NCALD: variants seen among roughly 807,000 people sequenced by gnomAD.
NCALD encodes the protein neurocalcin delta, also known as neurocalcin-delta.
Under a neutral mutation model 18.6 loss-of-function variants are expected in NCALD, and 10 were observed. That is an observed-to-expected ratio of 0.54 (90% confidence interval 0.33 to 0.91). The LOEUF (loss-of-function observed/expected upper bound fraction) is 0.91. Ranked by LOEUF, NCALD falls within the 40% of genes least tolerant of loss-of-function variation. NCALD has a pLI of 0.03. For missense variants in NCALD, 184 were observed against 247.6 expected (o/e 0.74, Z 1.72); for synonymous variants, 88 against 87.4 (o/e 1.01, Z -0.04).
chr8:101,728,755 G>T (rs1370561367), intron 1 of NCALD, among the ~76,000 whole-genome samples: 1 of 152,196 alleles, frequency 6.6e-6, no homozygotes, highest in Non-Finnish European at 1.5e-5. Context: ...GGGAGTTGGA[G>T]GTTGCAGTGA....
chr8:101,929,969 C>G (rs1818512840), intron 2 of NCALD, among the ~76,000 whole-genome samples: 2 of 152,046 alleles, frequency 1.3e-5, no homozygotes, highest in Admixed American at 6.5e-5. Context: ...GCAGAAGAAT[C>G]ACTTGAGCCT....
intron 1 of NCALD, among the ~76,000 whole-genome samples, chr8:101,747,198 T>C (rs1007055696): frequency 6.6e-6 from 1 of 152,118 alleles, no homozygotes; most frequent in African/African-American, 2.4e-5. Context: ...CGTCTTCTCC[T>C]CCTTCCCACT....
intron 1 of NCALD, among the ~76,000 whole-genome samples, chr8:102,094,282 TA>T (rs1488987928): frequency 6.6e-6 from 1 of 152,198 alleles, no homozygotes; most frequent in Non-Finnish European, 1.5e-5. Flanking sequence ...AAGTAGGAAA[TA>T]GCATTAAATG....
intron 1 of NCALD, among the ~76,000 whole-genome samples, chr8:101,733,787 G>T (rs1438809804): frequency 6.6e-6 from 1 of 152,200 alleles, no homozygotes; most frequent in Non-Finnish European, 1.5e-5. Flanking sequence ...AGGGGTGAAA[G>T]ACATCTGTGG....
At chr8:101,860,524 T>C (rs549088955) in intron 4 of NCALD, among the ~76,000 whole-genome samples, 6 of 152,280 alleles carry the variant, frequency 3.9e-5, no homozygotes, top group Admixed American at 6.5e-5. Flanking sequence ...TGTTCTGCTC[T>C]CCTGGAGCTG....
chr8:102,082,614 T>C lies in NCALD; in HGVS notation c.-210+41623A>G, dbSNP rs142345981. ...ACTTACCCCTAGGCATTGTTTAACA[T>C]TTGCAATTACTATTTCCTCAGTCAT... On this transcript the variant is annotated intron_variant, in intron 1 of 6. Transcript: ENST00000311028. Among the ~76,000 whole-genome samples, 308 of 152,306 alleles carry C rather than the reference T, an allele frequency of 2.0e-3. 1 individual carries two copies. Among genetic ancestry groups the C allele is most frequent in the African/African-American group, 6.9e-3 (287 of 41,550 alleles).
At chr8:102,121,639 T>G (rs1220778042) in intron 1 of NCALD, among the ~76,000 whole-genome samples, 1 of 152,140 alleles carries the variant, frequency 6.6e-6, no homozygotes, top group Non-Finnish European at 1.5e-5. Flanking sequence ...TGGACCTCCA[T>G]CCCCTACAGC....
chr8:102,003,851 AT>A (rs1235092943), intron 2 of NCALD, among the ~76,000 whole-genome samples: 2 of 152,198 alleles, frequency 1.3e-5, no homozygotes, highest in African/African-American at 2.4e-5. Flanking sequence ...AAACCTCTCA[AT>A]AAATTCGGTA....
chr8:101,903,403 G>A (rs1033322488), intron 3 of NCALD, among the ~76,000 whole-genome samples: 6 of 151,958 alleles, frequency 3.9e-5, no homozygotes, highest in African/African-American at 1.2e-4. Flanking sequence ...CACCGTGTTG[G>A]CCAGGATGGT....
intron 1 of NCALD, among the ~76,000 whole-genome samples, chr8:101,727,364 C>T (rs1416393629): frequency 1.3e-5 from 2 of 152,218 alleles, no homozygotes; most frequent in Non-Finnish European, 2.9e-5. Flanking sequence ...CAACAACTCT[C>T]CTCACTGAAA....
chr8:102,093,770 T>C (rs758848125), intron 1 of NCALD, among the ~76,000 whole-genome samples: 20 of 152,186 alleles, frequency 1.3e-4, no homozygotes, highest in Non-Finnish European at 1.8e-4. Context: ...CTGCCAGTAT[T>C]TTTTCTAAGA....
chr8:102,096,089 A>T (rs497964), intron 1 of NCALD, among the ~76,000 whole-genome samples: 83,263 of 151,508 alleles, frequency 0.55, 23,742 homozygotes, highest in Non-Finnish European at 0.64. Context: ...AAAGGGCAGA[A>T]AACTGATCCA....
chr8:101,892,382 C>A (rs1246596661), intron 3 of NCALD, among the ~76,000 whole-genome samples: 1 of 148,170 alleles, frequency 6.7e-6, no homozygotes, highest in East Asian at 1.9e-4. Flanking sequence ...TTATCAAAGA[C>A]CAAAAGTAGA....
chr8:101,710,281 T>C (rs146675275), intron 2 of NCALD, among the ~76,000 whole-genome samples: 17 of 152,274 alleles, frequency 1.1e-4, no homozygotes, highest in African/African-American at 4.1e-4. Context: ...GACTGGGAGA[T>C]TCCTTCAGGT....
intron 2 of NCALD, among the ~76,000 whole-genome samples, chr8:101,948,425 T>C (rs1819263224): frequency 6.6e-6 from 1 of 151,376 alleles, no homozygotes; most frequent in Admixed American, 6.6e-5. Context: ...AAATCAGGAG[T>C]AAAACTTTAG....
chr8:101,852,061 G>A (rs537774852), intron 4 of NCALD, among the ~76,000 whole-genome samples: 7 of 152,200 alleles, frequency 4.6e-5, no homozygotes, highest in Non-Finnish European at 1.0e-4. Context: ...TCACCTCACT[G>A]AATCTTCTGG....
At chr8:101,947,214 A>T (rs1819210854) in intron 2 of NCALD, among the ~76,000 whole-genome samples, 1 of 152,226 alleles carries the variant, frequency 6.6e-6, no homozygotes, top group Non-Finnish European at 1.5e-5. Flanking sequence ...TCATGGCAAC[A>T]GTTTTTTGGG....
intron 3 of NCALD, among the ~76,000 whole-genome samples, chr8:101,892,382 C>T (rs1246596661): frequency 1.3e-5 from 2 of 148,170 alleles, no homozygotes; most frequent in East Asian, 3.9e-4. Context: ...TTATCAAAGA[C>T]CAAAAGTAGA....
intron 1 of NCALD, among the ~76,000 whole-genome samples, chr8:102,105,056 A>C (rs1825401973): frequency 6.6e-6 from 1 of 152,218 alleles, no homozygotes; most frequent in Non-Finnish European, 1.5e-5. Flanking sequence ...CCAGAGGAAC[A>C]CAGAGCCAAG....
Sources: allele counts gnomAD v4.1 joint callset (sites outside exome capture counted in the v4.1 genomes callset), GRCh38; gene constraint gnomAD v4.1.1; transcripts MANE v1.5; gene names NCBI Gene and HGNC (gene_info 2026-07-23, HGNC 2026-07-21).